LRCH1: variants seen among roughly 807,000 people sequenced by gnomAD.
LRCH1 encodes the protein leucine-rich repeat and calponin homology domain-containing protein 1.
A neutral mutation model predicts 94.9 loss-of-function variants in LRCH1; 23 were observed. That is an observed-to-expected ratio of 0.24 (90% CI 0.17 to 0.34). The LOEUF (loss-of-function observed/expected upper bound fraction) is 0.34. Among genes scored for constraint, LRCH1 ranks in the 10% least tolerant of loss-of-function variants. The pLI is 1.00. For synonymous variants in LRCH1, 364 were observed against 354.9 expected (o/e 1.03, Z -0.29); for missense variants, 790 against 945.9 (o/e 0.84, Z 2.16).
chr13:46,679,511 T>C (rs2051722433), intron 3 of LRCH1, among the ~76,000 whole-genome samples: 2 of 152,234 alleles, frequency 1.3e-5, no homozygotes, highest in Non-Finnish European at 2.9e-5. Context: ...CTGAACACGA[T>C]CTCTGGACCT....
intron 1 of LRCH1, among the ~76,000 whole-genome samples, chr13:46,643,592 CA>C (rs2051185552): frequency 6.6e-6 from 1 of 152,184 alleles, no homozygotes. Flanking sequence ...GATCCACACT[CA>C]CTTCCCCTTC....
At chr13:46,720,685 G>A (rs956859657) in intron 16 of LRCH1, among the ~76,000 whole-genome samples, 11 of 152,176 alleles carry the variant, frequency 7.2e-5, no homozygotes, top group African/African-American at 2.2e-4. Context: ...GACCCAGACC[G>A]TTCACTGGAT....
At chr13:46,651,543 C>T (rs1032244588) in intron 2 of LRCH1, among the ~76,000 whole-genome samples, 3 of 151,840 alleles carry the variant, frequency 2.0e-5, no homozygotes, top group Admixed American at 2.0e-4. Context: ...GCCTATAATC[C>T]CAGCTACTCA....
At chr13:46,615,876 G>A (rs1049444565) in intron 1 of LRCH1, among the ~76,000 whole-genome samples, 1 of 152,334 alleles carries the variant, frequency 6.6e-6, no homozygotes, top group Non-Finnish European at 1.5e-5. Flanking sequence ...TGCTTTGAGT[G>A]TTGGGGAAGA....
At chr13:46,633,164 G>A (rs1334059871) in intron 1 of LRCH1, among the ~76,000 whole-genome samples, 2 of 152,138 alleles carry the variant, frequency 1.3e-5, no homozygotes, top group Non-Finnish European at 2.9e-5. Context: ...CAGGCACTTT[G>A]TAGACAGTTC....
At position 46,744,331 on chromosome 13, in the gene LRCH1, G is replaced by A. The variant is rs1873813688; in HGVS notation, c.*2483G>A. On this transcript the variant is annotated 3_prime_UTR_variant, in exon 20 of 20. Transcript: ENST00000389797. ...ACTCCCTTCCAATGTTAGATAAAAG[G>A]AGCCAAGTATCTATTTACATTTTAT... 1 of 985,256 alleles carries A rather than the reference G, an allele frequency of 1.0e-6. No homozygotes were observed. The allele number at this position is 985,256 out of a possible 1,614,324, so 61.0% of individuals were successfully genotyped here.
chr13:46,608,647 C>T (rs1166138110), intron 1 of LRCH1, among the ~76,000 whole-genome samples: 6 of 152,120 alleles, frequency 3.9e-5, no homozygotes, highest in Non-Finnish European at 7.3e-5. Flanking sequence ...TCTTTTACTA[C>T]TACAGTAAAG....
At chr13:46,576,173 G>A (rs1309032787) in intron 1 of LRCH1, among the ~76,000 whole-genome samples, 1 of 152,276 alleles carries the variant, frequency 6.6e-6, no homozygotes, top group East Asian at 1.9e-4. Flanking sequence ...TGAGCCTTTT[G>A]TTCATGTAAC....
exon 19 of LRCH1, chr13:46,751,616 T>C (rs1874144538): frequency 6.6e-6 from 1 of 152,234 alleles, no homozygotes; most frequent in Non-Finnish European, 1.5e-5. Context: ...ATTCACGTTT[T>C]AACACAAAGA....
intron 16 of LRCH1, among the ~76,000 whole-genome samples, chr13:46,716,502 T>C (rs9590987): frequency 0.02 from 3,065 of 152,280 alleles, 85 homozygotes; most frequent in East Asian, 0.085. Flanking sequence ...ACAGAGAATG[T>C]GATTTATAGG....
chr13:46,584,411 T>C (rs2050407760), intron 1 of LRCH1, among the ~76,000 whole-genome samples: 1 of 152,228 alleles, frequency 6.6e-6, no homozygotes, highest in Non-Finnish European at 1.5e-5. Flanking sequence ...TCAGAGTCTG[T>C]ATTTTAACAA....
In LRCH1 at chr13:46,559,991, C is replaced by T. The variant is rs376648282; in HGVS notation, c.307+6288C>T. On this transcript the variant is annotated intron_variant, in intron 1 of 19. Coordinates refer to ENST00000389797, the MANE Select transcript of LRCH1 (RefSeq NM_001164211.2). The stretch of plus-strand genomic sequence containing the variant: ...AGATACCTTTTGAAATCCATGTTGA[C>T]GTCGATTAATTCAGAAGTCAAACTT... 4.9e-4 allele frequency among the ~76,000 whole-genome samples: 74 copies of T among 152,124 alleles called. 1 individual carries two copies. The highest frequency in any genetic ancestry group is 1.8e-3 in the African/African-American group (73 of 41,544).
chr13:46,560,465 G>A (rs2050118413), intron 1 of LRCH1, among the ~76,000 whole-genome samples: 1 of 152,160 alleles, frequency 6.6e-6, no homozygotes, highest in Admixed American at 6.5e-5. Context: ...GATTATTTCA[G>A]TGATTGTGTG....
At chr13:46,640,239 A>G (rs1003681655) in intron 1 of LRCH1, among the ~76,000 whole-genome samples, 38 of 152,356 alleles carry the variant, frequency 2.5e-4, no homozygotes, top group Non-Finnish European at 4.3e-4. Context: ...TAACATAATC[A>G]TGATAGCAGT....
chr13:46,728,717 T>C (rs777111424), intron 17 of LRCH1, 130 bp from the exon 18 acceptor site: 15 of 858,972 alleles, frequency 1.7e-5, no homozygotes, highest in Non-Finnish European at 2.5e-5. Context: ...TGTCAGTGTT[T>C]TCTAGGCATT....
rs1871017647 is a variant in LRCH1, at chr13:46,693,461, T to G, written c.1120+820T>G. 2.6e-5 allele frequency among the ~76,000 whole-genome samples: 4 copies of G among 152,156 alleles called. No homozygotes were observed. The South Asian group carries it at 8.3e-4, about 32-fold the overall frequency. ...TGGGTCTGGAAGGAGTGCCCATCAC[T>G]GATAAGCTAGACTTCATCCCATGGC... On this transcript the variant is annotated intron_variant, in intron 8 of 19. Coordinates refer to ENST00000389797, the MANE Select transcript of LRCH1 (RefSeq NM_001164211.2).
chr13:46,601,033 C>T lies in LRCH1; in HGVS notation c.307+47330C>T, dbSNP rs1408766140. Among the ~76,000 whole-genome samples, 4 of 152,210 alleles carry T rather than the reference C, an allele frequency of 2.6e-5. No homozygotes were observed. In the East Asian group the frequency reaches 5.8e-4, roughly 22 times the overall value. On this transcript the variant is annotated intron_variant, in intron 1 of 19. Coordinates refer to ENST00000389797, the MANE Select transcript of LRCH1 (RefSeq NM_001164211.2). ...AATGTTCCATAGAATCAGATCTATA[C>T]TTTGGGGAACTCAGCAGTATGGGAA...
intron 1 of LRCH1, among the ~76,000 whole-genome samples, chr13:46,602,976 ATG>A (rs1377994238): frequency 5.6e-4 from 53 of 95,326 alleles, no homozygotes; most frequent in Non-Finnish European, 1.0e-3. Flanking sequence ...ACATACATGC[ATG>A]CATACATACA....
At chr13:46,685,172 C>T (rs963802850) in intron 4 of LRCH1, among the ~76,000 whole-genome samples, 19 of 152,148 alleles carry the variant, frequency 1.2e-4, no homozygotes, top group African/African-American at 4.1e-4. Flanking sequence ...AGATGTCTGG[C>T]GTGGCCCAGC....
Sources: gnomAD v4.1 joint callset for allele counts (sites outside exome capture counted in the v4.1 genomes callset) on GRCh38, gnomAD v4.1.1 for gene constraint, MANE v1.5 for transcripts, NCBI Gene and HGNC (gene_info 2026-07-23, HGNC 2026-07-21) for gene names.